The following FRS2 variants were observed in gnomAD, a reference collection of about 807,000 sequenced individuals.
FRS2 encodes FGFR signalling adaptor.
In FRS2, 8 loss-of-function variants were observed where a neutral mutation model predicts 43.9. That is an observed-to-expected ratio of 0.18 (90% CI 0.11 to 0.33). FRS2 has a LOEUF of 0.33. Among genes scored for constraint, FRS2 ranks in the 10% least tolerant of loss-of-function variants. FRS2 has a pLI of 1.00. For missense variants in FRS2, 534 were observed against 627.6 expected (o/e 0.85, Z 1.59); for synonymous variants, 219 against 220.3 (o/e 0.99, Z 0.05).
intron 1 of FRS2, among the ~76,000 whole-genome samples, chr12:69,523,958 C>G (rs1875941194): frequency 6.6e-6 from 1 of 152,226 alleles, no homozygotes; most frequent in Non-Finnish European, 1.5e-5. Context: ...TACTCGTTTG[C>G]ACGTGCCAAC....
At position 69,574,046 on chromosome 12, in the gene FRS2, G is replaced by A. The variant is rs1880984727; in HGVS notation, c.618G>A (p.Arg206=). The A allele has an allele frequency of 6.2e-7, 1 of 1,613,790 alleles. No homozygotes were observed. The highest frequency in any genetic ancestry group is 8.5e-7 in the Non-Finnish European group (1 of 1,179,942). ...YVNTTGVQEE[R]KNRTSVHVPL... ...ACACTACAGGTGTGCAAGAAGAGCGGAAAAACCGCACAAGTGTGCATGTTC... is the reference window on the plus strand; with the variant it reads ...ACACTACAGGTGTGCAAGAAGAGCGAAAAAACCGCACAAGTGTGCATGTTC... Residue 206 remains arginine (R), a synonymous_variant, in exon 9 of 9, where the codon CGG becomes CGA. Coordinates refer to ENST00000549921, the MANE Select transcript of FRS2 (RefSeq NM_001278356.2).
At chr12:69,505,048 G>A (rs1371320577) in intron 1 of FRS2, among the ~76,000 whole-genome samples, 2 of 152,156 alleles carry the variant, frequency 1.3e-5, no homozygotes, top group Admixed American at 6.5e-5. Flanking sequence ...TTGTAGAGAT[G>A]GAGTCTCAGT....
chr12:69,474,461 TA>T (rs1870585374), intron 1 of FRS2, among the ~76,000 whole-genome samples: 1 of 152,184 alleles, frequency 6.6e-6, no homozygotes, highest in Admixed American at 6.5e-5. Context: ...GGCATCTGTT[TA>T]AAACAGAAGG....
intron 3 of FRS2, among the ~76,000 whole-genome samples, chr12:69,543,082 A>G (rs1380894065): frequency 6.6e-6 from 1 of 152,238 alleles, no homozygotes. Context: ...GCTCACATTG[A>G]TAACAACATG....
intron 1 of FRS2, among the ~76,000 whole-genome samples, chr12:69,524,130 G>C (rs1035495651): frequency 6.6e-6 from 1 of 152,184 alleles, no homozygotes; most frequent in Non-Finnish European, 1.5e-5. Context: ...GGGGCAGTCT[G>C]CTGTTCTCCA....
chr12:69,512,799 C>G (rs1874587878), intron 1 of FRS2, among the ~76,000 whole-genome samples: 2 of 152,034 alleles, frequency 1.3e-5, no homozygotes, highest in Admixed American at 6.5e-5. Flanking sequence ...ACTGATGGGT[C>G]TAGAGTATTT....
At chr12:69,531,106 G>C (rs919390758) in intron 2 of FRS2, 146 bp downstream of exon 2, 3 of 152,072 alleles carry the variant, frequency 2.0e-5, no homozygotes, top group African/African-American at 7.3e-5. Flanking sequence ...GAGGCAAGTG[G>C]ATCACCTGAG....
At chr12:69,534,858 T>A (rs1485327430) in intron 3 of FRS2, among the ~76,000 whole-genome samples, 1 of 152,172 alleles carries the variant, frequency 6.6e-6, no homozygotes. Context: ...GGACGGTGCT[T>A]TGATGGTAGA....
intron 1 of FRS2, among the ~76,000 whole-genome samples, chr12:69,517,721 T>G (rs1397641693): frequency 6.6e-6 from 1 of 152,220 alleles, no homozygotes; most frequent in African/African-American, 2.4e-5. Flanking sequence ...TGATTCATAT[T>G]TAATACATGT....
chr12:69,478,211 G>A (rs975776222), intron 1 of FRS2, among the ~76,000 whole-genome samples: 1 of 151,992 alleles, frequency 6.6e-6, no homozygotes, highest in Non-Finnish European at 1.5e-5. Flanking sequence ...GATTTAATCC[G>A]TTAAAATTTT....
At chr12:69,567,348 C>T (rs1055465553) in intron 4 of FRS2, among the ~76,000 whole-genome samples, 6 of 152,134 alleles carry the variant, frequency 3.9e-5, no homozygotes, top group Admixed American at 2.6e-4. Flanking sequence ...TTGGTTTATA[C>T]GCTAGTACAC....
chr12:69,530,877 A>C lies in FRS2; in HGVS notation c.-248A>C, dbSNP rs1565751260. The stretch of plus-strand genomic sequence containing the variant: ...ACCTATATTTCAGAAATGACCATTA[A>C]GAAGTAGATGCCCAGATGCAAAAGT... On this transcript the variant is annotated 5_prime_UTR_variant, in exon 2 of 9. Coordinates refer to ENST00000549921, the MANE Select transcript of FRS2 (RefSeq NM_001278356.2). 1.3e-5 allele frequency: 2 copies of C among 152,658 alleles called. No individual in the cohort carries two copies. Among genetic ancestry groups the C allele is most frequent in the African/African-American group, 2.4e-5 (1 of 41,458 alleles). 9.5% of individuals were successfully genotyped at this position (152,658 alleles called of 1,614,324 possible).
At chr12:69,526,118 A>G (rs1211225018) in intron 1 of FRS2, among the ~76,000 whole-genome samples, 2 of 152,058 alleles carry the variant, frequency 1.3e-5, no homozygotes, top group African/African-American at 2.4e-5. Flanking sequence ...CGGCCTCCCA[A>G]AGTGCTGGGA....
intron 3 of FRS2, among the ~76,000 whole-genome samples, chr12:69,554,899 G>A (rs1447994284): frequency 6.8e-6 from 1 of 147,200 alleles, no homozygotes; most frequent in Admixed American, 6.8e-5. Context: ...TGTAGAGACA[G>A]GATCTCACTA....
chr12:69,568,876 A>G (rs1880514426), intron 4 of FRS2, 129 bp from the exon 5 acceptor site: 1 of 488,320 alleles, frequency 2.0e-6, no homozygotes. Flanking sequence ...AGCTGCAGCC[A>G]TATACCTTGT....
chr12:69,501,960 GTTTTGTTTT>G (rs1273675732), intron 1 of FRS2, among the ~76,000 whole-genome samples: 2 of 127,456 alleles, frequency 1.6e-5, no homozygotes, highest in African/African-American at 3.5e-5. Context: ...TGTTTTTTTT[GTTTTGTTTT>G]TTTTGTTTTT....
chr12:69,570,260 C>G, intron 5 of FRS2, 71 bp from the exon 6 acceptor site: 1 of 1,119,990 alleles, frequency 8.9e-7, no homozygotes, highest in Middle Eastern at 2.0e-4. Flanking sequence ...TTACAAATAA[C>G]TAATTAGCAA....
At chr12:69,509,030 C>A (rs1230927580) in intron 1 of FRS2, among the ~76,000 whole-genome samples, 1 of 152,022 alleles carries the variant, frequency 6.6e-6, no homozygotes, top group Non-Finnish European at 1.5e-5. Context: ...AAATTTTTTT[C>A]TTGTTATTAA....
At chr12:69,524,345 G>A (rs1875990371) in intron 1 of FRS2, among the ~76,000 whole-genome samples, 1 of 152,120 alleles carries the variant, frequency 6.6e-6, no homozygotes, top group Non-Finnish European at 1.5e-5. Flanking sequence ...AAAGTGATGT[G>A]AGGGGTTGCT....
Sources: gnomAD v4.1 joint callset for allele counts (sites outside exome capture counted in the v4.1 genomes callset) on GRCh38, gnomAD v4.1.1 for gene constraint, MANE v1.5 for transcripts, NCBI Gene and HGNC (gene_info 2026-07-23, HGNC 2026-07-21) for gene names.